AIG1: variants seen among roughly 807,000 people sequenced by gnomAD.
AIG1 encodes the protein androgen-induced gene 1 protein.
AIG1 carries 23 observed loss-of-function variants against 31.4 expected under a neutral mutation model. That is an observed-to-expected ratio of 0.73 (90% CI 0.53 to 1.04). The LOEUF (loss-of-function observed/expected upper bound fraction) is 1.04. Ranked by LOEUF, AIG1 falls within the 50% of genes least tolerant of loss-of-function variation. The pLI, the probability that AIG1 is intolerant of heterozygous loss-of-function variation, is 0.00. For missense variants in AIG1, 274 were observed against 295.0 expected, an observed-to-expected ratio of 0.93 and a Z score of 0.52; for synonymous variants, 100 against 110.5, an observed-to-expected ratio of 0.90 and a Z score of 0.60.
rs756400911 is a variant in AIG1, at chr6:143,333,139, C to T, written c.516-143C>T. 8.3e-6 allele frequency: 6 copies of T among 727,014 alleles called. No homozygotes were observed. The highest frequency in any genetic ancestry group is 1.1e-5 in the Non-Finnish European group (5 of 476,040). The allele number at this position is 727,014 out of a possible 1,614,324, so 45.0% of individuals were successfully genotyped here. A position where few individuals can be genotyped will look rare whatever the true frequency, so the allele number is the denominator to read the frequency against. ...TAAACAGCAACCAAGTTTCCAGTAGCTCCTGAGTATCAGAAGCGAACTTGA... is the reference window on the plus strand; with the variant it reads ...TAAACAGCAACCAAGTTTCCAGTAGTTCCTGAGTATCAGAAGCGAACTTGA... On this transcript the variant is annotated intron_variant, in intron 4 of 5. Transcript: ENST00000357847. The surrounding 1 kb of genome is among the most constrained non-coding windows in gnomAD (Gnocchi z 4.6).
chr6:143,187,963 T>C, intron 3 of AIG1: 2 of 1,212,994 alleles, frequency 1.6e-6, no homozygotes, highest in Non-Finnish European at 2.1e-6. Context: ...TTTTATTAGT[T>C]GCATTTTGTA....
intron 1 of AIG1, among the ~76,000 whole-genome samples, chr6:143,103,333 C>T (rs1205199299): frequency 6.6e-6 from 1 of 152,040 alleles, no homozygotes; most frequent in Non-Finnish European, 1.5e-5. Context: ...CATTGATTAG[C>T]TAAATTAAGT....
chr6:143,108,526 T>C (rs562471683), intron 1 of AIG1, among the ~76,000 whole-genome samples: 1 of 152,276 alleles, frequency 6.6e-6, no homozygotes, highest in African/African-American at 2.4e-5. Context: ...AGCTCAGAGA[T>C]TTCTCACTTA....
chr6:143,116,162 G>T (rs181369750), intron 1 of AIG1, among the ~76,000 whole-genome samples: 1 of 152,304 alleles, frequency 6.6e-6, no homozygotes. Context: ...ACATGCACTG[G>T]TAGGTATTTG....
At chr6:143,211,643 A>G (rs992723083) in intron 3 of AIG1, among the ~76,000 whole-genome samples, 2 of 152,206 alleles carry the variant, frequency 1.3e-5, no homozygotes, top group East Asian at 3.8e-4. Flanking sequence ...CTGTAATCCC[A>G]GCACTTTGGG....
Position 143,264,680 on chromosome 6 carries a change from C to G in AIG1, c.400-19430C>G, listed in dbSNP as rs1796032164. Among the ~76,000 whole-genome samples the G allele has an allele frequency of 2.6e-5, 4 of 152,236 alleles. No homozygotes were observed. In the South Asian group the frequency reaches 6.2e-4, roughly 24 times the overall value. ...GAGCCAGAATCTCACAACAGCTGGT[C>G]TCCCCATGCTAGGATTTATGTGCCT... On this transcript the variant is annotated intron_variant, in intron 3 of 5. Coordinates refer to ENST00000357847, the MANE Select transcript of AIG1 (RefSeq NM_016108.4).
intron 4 of AIG1, among the ~76,000 whole-genome samples, chr6:143,305,826 G>A (rs1419252612): frequency 6.6e-6 from 1 of 151,380 alleles, no homozygotes; most frequent in Non-Finnish European, 1.5e-5. Flanking sequence ...ACAGTGGGGT[G>A]TTAAAGTCTC....
intron 3 of AIG1, among the ~76,000 whole-genome samples, chr6:143,181,287 C>T (rs1368793343): frequency 6.6e-6 from 1 of 152,180 alleles, no homozygotes; most frequent in Non-Finnish European, 1.5e-5. Context: ...AGGAACCTCT[C>T]TCTAGGACTC....
At chr6:143,343,703 G>C (rs1777902396), downstream of AIG1, among the ~76,000 whole-genome samples, 1 of 152,190 alleles carries the variant, frequency 6.6e-6, no homozygotes. Context: ...GTATGTGTGT[G>C]TGTGTGCATG....
At chr6:143,218,391 T>C (rs1455899720) in intron 3 of AIG1, among the ~76,000 whole-genome samples, 2 of 152,180 alleles carry the variant, frequency 1.3e-5, no homozygotes, top group Non-Finnish European at 2.9e-5. Flanking sequence ...TAGATACCTT[T>C]CCCTACATGC....
Position 143,165,114 on chromosome 6 carries a change from C to T in AIG1, c.330C>T (p.Ala110=). 8.1e-6 allele frequency: 13 copies of T among 1,613,472 alleles called. No homozygotes were observed. Among genetic ancestry groups the T allele is most frequent in the Non-Finnish European group, 1.1e-5 (13 of 1,179,558 alleles). ...TAGCAGTGTTCTGGATCATTTATGCCTATGACAGAGAGATGATATACCCGA... is the reference window on the plus strand; with the variant it reads ...TAGCAGTGTTCTGGATCATTTATGCTTATGACAGAGAGATGATATACCCGA... The part of the protein sequence containing the change: ...FVVAVFWIIY[A]YDREMIYPKL... Residue 110 remains alanine, a synonymous_variant, in exon 3 of 6, where the codon GCC becomes GCT. Transcript: ENST00000357847.
intron 4 of AIG1, among the ~76,000 whole-genome samples, chr6:143,307,411 T>G (rs1297719750): frequency 6.6e-6 from 1 of 152,222 alleles, no homozygotes; most frequent in African/African-American, 2.4e-5. Context: ...TAGTTTTCCT[T>G]CTAACAGACA....
intron 3 of AIG1, among the ~76,000 whole-genome samples, chr6:143,178,064 C>T (rs1788343271): frequency 6.6e-6 from 1 of 152,238 alleles, no homozygotes; most frequent in African/African-American, 2.4e-5. Context: ...GTGGCAGCAG[C>T]AGCAGGCTTC....
intron 3 of AIG1, among the ~76,000 whole-genome samples, chr6:143,193,952 G>A (rs566078469): frequency 6.6e-6 from 1 of 152,182 alleles, no homozygotes; most frequent in African/African-American, 2.4e-5. Flanking sequence ...AAAAAATAGG[G>A]GAAGAAAAAG....
At chr6:143,161,365 C>A (rs975376112) in intron 2 of AIG1, among the ~76,000 whole-genome samples, 5 of 151,936 alleles carry the variant, frequency 3.3e-5, no homozygotes, top group South Asian at 2.1e-4. Flanking sequence ...GGAAACACTT[C>A]CCAACTCACC....
At chr6:143,303,863 G>C (rs928195790) in intron 4 of AIG1, among the ~76,000 whole-genome samples, 1 of 147,610 alleles carries the variant, frequency 6.8e-6, no homozygotes, top group African/African-American at 2.5e-5. Context: ...CATGAGCATG[G>C]AATGTTCTTC....
At chr6:143,133,359 C>T (rs928860966) in intron 1 of AIG1, among the ~76,000 whole-genome samples, 20 of 152,004 alleles carry the variant, frequency 1.3e-4, no homozygotes, top group African/African-American at 4.8e-4. Flanking sequence ...ACAATAAGGC[C>T]TCTTCTATGT....
Position 143,091,651 on chromosome 6 carries a change from A to G in AIG1, c.141+30585A>G, listed in dbSNP as rs146538698. ...TCTCATAGATGCACATCAATGAAAG[A>G]CAGTAGGTTGGCATCTTAATAGCCA... On this transcript the variant is annotated intron_variant, in intron 1 of 5. Coordinates refer to ENST00000357847, the MANE Select transcript of AIG1 (RefSeq NM_016108.4). Among the ~76,000 whole-genome samples the G allele has an allele frequency of 6.3e-3, 966 of 152,324 alleles. 17 individuals carry two copies. Among genetic ancestry groups the G allele is most frequent in the African/African-American group, 0.02 (821 of 41,570 alleles).
intron 1 of AIG1, among the ~76,000 whole-genome samples, chr6:143,116,048 T>C (rs1190063041): frequency 1.3e-5 from 2 of 152,250 alleles, no homozygotes; most frequent in Non-Finnish European, 2.9e-5. Flanking sequence ...ATCTTTGTCC[T>C]CGAAGGGCTC....
Sources: gnomAD v4.1 joint callset for allele counts (sites outside exome capture counted in the v4.1 genomes callset) on GRCh38, gnomAD v4.1.1 for gene constraint, Gnocchi (gnomAD v3.1) non-coding constraint, MANE v1.5 for transcripts, NCBI Gene and HGNC (gene_info 2026-07-23, HGNC 2026-07-21) for gene names.